GDPD1: variants seen among roughly 807,000 people sequenced by gnomAD.
GDPD1 encodes the protein lysophospholipase D GDPD1.
Under a neutral mutation model 45.1 loss-of-function variants are expected in GDPD1, and 28 were observed. That is an observed-to-expected ratio of 0.62 (90% CI 0.46 to 0.85). The LOEUF (loss-of-function observed/expected upper bound fraction) is 0.85. GDPD1 is among the 40% of genes least tolerant of loss of function. The pLI is 0.00. For synonymous variants in GDPD1, 139 were observed against 131.4 expected (o/e 1.06, Z -0.40); for missense variants, 256 against 364.8 (o/e 0.70, Z 2.43).
At chr17:59,260,060 C>CAAAAAAAAAAAAAAAA (rs56936442) in intron 6 of GDPD1, among the ~76,000 whole-genome samples, 1 of 25,852 alleles carries the variant, frequency 3.9e-5, no homozygotes, top group Non-Finnish European at 6.9e-5. Flanking sequence ...GACCCTGTCT[C>CAAAAAAAAAAAAAAAA]AAAAAAAAAA....
rs532757406 is a variant in GDPD1 at position 59,262,635 on chromosome 17, T to G, written c.577-4406T>G. 1.6e-4 allele frequency among the ~76,000 whole-genome samples: 17 copies of G among 103,236 alleles called. No homozygotes were observed. In the East Asian group the frequency reaches 2.8e-3, roughly 17 times the overall value. 67.7% of individuals were successfully genotyped at this position (103,236 alleles called of 152,430 possible). A position where few individuals can be genotyped will look rare whatever the true frequency, so the allele number is the denominator to read the frequency against. ...GGCTTTGTATCTTGGTTTTGTTTTTTTTTGTTTTTTTTTTTTGAGACTCAC... is the reference window on the plus strand; with the variant it reads ...GGCTTTGTATCTTGGTTTTGTTTTTGTTTGTTTTTTTTTTTTGAGACTCAC... On this transcript the variant is annotated intron_variant, in intron 6 of 9. Transcript: ENST00000284116.
chr17:59,268,578 C>CAAAAAAAAAAAAA (rs1176390251), intron 7 of GDPD1, among the ~76,000 whole-genome samples: 1 of 35,372 alleles, frequency 2.8e-5, no homozygotes, highest in Non-Finnish European at 5.7e-5. Context: ...GACTCTGTCT[C>CAAAAAAAAAAAAA]AAAAAAAAAA....
At chr17:59,239,846 A>G (rs954271786) in intron 2 of GDPD1, among the ~76,000 whole-genome samples, 3 of 149,282 alleles carry the variant, frequency 2.0e-5, no homozygotes, top group Non-Finnish European at 4.4e-5. Context: ...CGATCCTCAC[A>G]CTTCAGCCTC....
At chr17:59,239,791 G>GACAC in intron 2 of GDPD1, among the ~76,000 whole-genome samples, 1 of 150,108 alleles carries the variant, frequency 6.7e-6, no homozygotes, top group East Asian at 2.0e-4. Context: ...GCCAGCATAG[G>GACAC]ACACACTGTT....
At chr17:59,221,262 G>A (rs2047002142) in intron 1 of GDPD1, among the ~76,000 whole-genome samples, 1 of 151,884 alleles carries the variant, frequency 6.6e-6, no homozygotes, top group Non-Finnish European at 1.5e-5. Context: ...GGTGCTGGGG[G>A]CCCGTCCCAC....
At chr17:59,223,157 C>T (rs1419678372) in intron 1 of GDPD1, among the ~76,000 whole-genome samples, 2 of 152,134 alleles carry the variant, frequency 1.3e-5, no homozygotes, top group Non-Finnish European at 2.9e-5. Context: ...TACTTTAAAA[C>T]TATTTTCTTC....
At chr17:59,250,905 G>A (rs1282291161) in intron 4 of GDPD1, among the ~76,000 whole-genome samples, 2 of 151,960 alleles carry the variant, frequency 1.3e-5, no homozygotes, top group Non-Finnish European at 1.5e-5. Context: ...TCACCACATT[G>A]GCCAGGCTGG....
At chr17:59,230,370 A>ATTT (rs942416287) in intron 1 of GDPD1, among the ~76,000 whole-genome samples, 1,206 of 80,076 alleles carry the variant, frequency 0.015, 148 homozygotes, top group African/African-American at 0.039. Context: ...CAGTTGTAGA[A>ATTT]TTTTTTTTTT....
chr17:59,259,126 A>C (rs7215031), intron 6 of GDPD1, among the ~76,000 whole-genome samples: 65,846 of 149,428 alleles, frequency 0.44, 16,254 homozygotes, highest in African/African-American at 0.68. Flanking sequence ...TAAGACTTCT[A>C]ACTCTATTAA....
At chr17:59,270,243 G>C (rs1449857115) in intron 7 of GDPD1, among the ~76,000 whole-genome samples, 1 of 151,490 alleles carries the variant, frequency 6.6e-6, no homozygotes, top group African/African-American at 2.4e-5. Flanking sequence ...ACCCAGGCTG[G>C]AGTGCAGTGG....
intron 2 of GDPD1, among the ~76,000 whole-genome samples, chr17:59,242,383 C>G (rs1168720648): frequency 6.6e-6 from 1 of 152,078 alleles, no homozygotes; most frequent in Non-Finnish European, 1.5e-5. Context: ...TTCTTAATGG[C>G]AGTATATTTG....
intron 6 of GDPD1, among the ~76,000 whole-genome samples, chr17:59,258,892 T>G (rs2047330224): frequency 6.7e-6 from 1 of 148,686 alleles, no homozygotes; most frequent in Non-Finnish European, 1.5e-5. Flanking sequence ...GAGGCCAAAG[T>G]GGGAGGATTG....
intron 1 of GDPD1, among the ~76,000 whole-genome samples, chr17:59,221,014 G>C (rs1463125843): frequency 6.6e-6 from 1 of 152,076 alleles, no homozygotes; most frequent in African/African-American, 2.4e-5. Flanking sequence ...GGAAAGACAC[G>C]GTCGAGAATG....
At chr17:59,254,891 C>G (rs2047284581) in intron 4 of GDPD1, among the ~76,000 whole-genome samples, 1 of 152,132 alleles carries the variant, frequency 6.6e-6, no homozygotes, top group African/African-American at 2.4e-5. Flanking sequence ...CAAGAGGCTT[C>G]TCTCCCAGTG....
intron 6 of GDPD1, among the ~76,000 whole-genome samples, chr17:59,258,187 A>G (rs543451984): frequency 6.0e-5 from 9 of 151,140 alleles, no homozygotes; most frequent in Admixed American, 4.6e-4. Flanking sequence ...TTGGCCTCCC[A>G]AAGTGGTGGG....
chr17:59,269,415 T>G (rs1350591220), intron 7 of GDPD1, among the ~76,000 whole-genome samples: 1 of 152,092 alleles, frequency 6.6e-6, no homozygotes, highest in East Asian at 1.9e-4. Context: ...TCCTAAATTA[T>G]ATTTATGAAC....
In GDPD1 at chr17:59,245,455, A is replaced by C; in HGVS notation, c.227A>C (p.His76Pro). The C allele has an allele frequency of 6.2e-7, 1 of 1,611,862 alleles. No individual in the cohort carries two copies. The highest frequency in any genetic ancestry group is 8.5e-7 in the Non-Finnish European group (1 of 1,178,206). ...ACTGATATGCTAGAATTGGACTGCC[A>C]TATCACAAAAGATGAACAAGTTGTA... Reference protein sequence around the residue: ...IGTDMLELDCHITKDEQVVVS... With the variant: ...IGTDMLELDCPITKDEQVVVS... The change falls in exon 3 of 10, where the codon CAT becomes CCT. Residue 76 changes from histidine (H) to proline (P), a missense_variant. His to Pro is a moderately conservative substitution (Grantham distance 77). Coordinates refer to ENST00000284116, the MANE Select transcript of GDPD1 (RefSeq NM_182569.4).
chr17:59,256,153 C>T (rs2047307681), intron 4 of GDPD1, among the ~76,000 whole-genome samples: 2 of 151,774 alleles, frequency 1.3e-5, no homozygotes, highest in Admixed American at 1.3e-4. Context: ...CCCATCTCTA[C>T]AAAAACTACA....
rs1023160067 is a variant in GDPD1 at position 59,274,376 on chromosome 17, G to C, written c.*603G>C. 2.6e-5 allele frequency: 4 copies of C among 151,946 alleles called. No individual in the cohort carries two copies. The highest frequency in any genetic ancestry group is 9.7e-5 in the African/African-American group (4 of 41,298). 9.4% of individuals were successfully genotyped at this position (151,946 alleles called of 1,614,324 possible). On this transcript the variant is annotated 3_prime_UTR_variant, in exon 10 of 10. Transcript: ENST00000284116. ...AAAAATACAAAAATTAACCATGCGT[G>C]GTGGTACACGTCTGTCATCCCAGCA... is the stretch of plus-strand genomic sequence containing the variant.
Sources: allele counts gnomAD v4.1 joint callset (sites outside exome capture counted in the v4.1 genomes callset), GRCh38; gene constraint gnomAD v4.1.1; transcripts MANE v1.5; gene names NCBI Gene and HGNC (gene_info 2026-07-23, HGNC 2026-07-21).